The following CDH8 variants were observed in gnomAD, a reference collection of about 807,000 sequenced individuals.
CDH8 encodes cadherin 8.
In CDH8, 17 loss-of-function variants were observed where a neutral mutation model predicts 68.1. The ratio of observed to expected loss-of-function variants is 0.25; its 90% confidence interval spans 0.17 to 0.37. The LOEUF is 0.37. CDH8 is among the 10% of genes least tolerant of loss of function. The pLI is 1.00. For missense variants in CDH8, 763 were observed against 999.3 expected (o/e 0.76, Z 3.19); for synonymous variants, 372 against 365.1 (o/e 1.02, Z -0.21).
rs1242470194 is a variant in CDH8, at chr16:61,665,864, G to A, written c.1655-10143C>T. 6.4e-5 allele frequency among the ~76,000 whole-genome samples: 7 copies of A among 110,098 alleles called. No individual in the cohort carries two copies. The Admixed American group carries it at 8.0e-4, about 13-fold the overall frequency. 72.2% of individuals were successfully genotyped at this position (110,098 alleles called of 152,430 possible). The stretch of plus-strand genomic sequence containing the variant: ...TCCCTCCCTCCTTCCTTCCTTCCTT[G>A]CCTCTTTCCTTTCTTTTATTTCTTT... On this transcript the variant is annotated intron_variant, in intron 10 of 11. Coordinates refer to ENST00000577390, the MANE Select transcript of CDH8 (RefSeq NM_001796.5).
intron 2 of CDH8, among the ~76,000 whole-genome samples, chr16:62,020,013 A>G (rs1902033957): frequency 6.6e-6 from 1 of 152,206 alleles, no homozygotes; most frequent in Non-Finnish European, 1.5e-5. Flanking sequence ...GTAATGATTC[A>G]TGATATCTCC....
intron 7 of CDH8, among the ~76,000 whole-genome samples, chr16:61,811,119 C>T (rs536710405): frequency 2.6e-5 from 4 of 151,744 alleles, no homozygotes; most frequent in African/African-American, 7.3e-5. Context: ...TATAGGCTCA[C>T]AAAGACAGAT....
intron 3 of CDH8, among the ~76,000 whole-genome samples, chr16:61,860,319 A>G (rs1963126783): frequency 6.6e-6 from 1 of 152,168 alleles, no homozygotes; most frequent in African/African-American, 2.4e-5. Flanking sequence ...TTCTTTATTA[A>G]TTAACCCGTT....
At chr16:61,978,385 G>A (rs1275507083) in intron 2 of CDH8, among the ~76,000 whole-genome samples, 1 of 152,104 alleles carries the variant, frequency 6.6e-6, no homozygotes. Flanking sequence ...TGCCACCATT[G>A]CTGTTGCTGA....
chr16:61,736,098 G>GGAAAGAAAGAAA (rs1260262826), intron 8 of CDH8, among the ~76,000 whole-genome samples: 1,362 of 99,336 alleles, frequency 0.014, 55 homozygotes, highest in African/African-American at 0.049. Flanking sequence ...CAAGAAAGAA[G>GGAAAGAAAGAAA]GAAAGAAAGA....
At chr16:61,825,695 C>A (rs576599141) in intron 4 of CDH8, among the ~76,000 whole-genome samples, 18 of 151,900 alleles carry the variant, frequency 1.2e-4, no homozygotes, top group Non-Finnish European at 1.0e-4. Flanking sequence ...AAATACCAAT[C>A]AGAATTAATA....
At chr16:61,932,249 T>A (rs2143487692) in intron 2 of CDH8, among the ~76,000 whole-genome samples, 1 of 149,714 alleles carries the variant, frequency 6.7e-6, no homozygotes, top group East Asian at 2.0e-4. Flanking sequence ...GCACAGAATA[T>A]TTCCATGACC....
At chr16:61,951,162 C>T (rs1477679431) in intron 2 of CDH8, among the ~76,000 whole-genome samples, 1 of 152,058 alleles carries the variant, frequency 6.6e-6, no homozygotes, top group Non-Finnish European at 1.5e-5. Context: ...TTTTACCAGA[C>T]ATGATGCTGA....
chr16:61,795,974 GA>G (rs1961491747), intron 7 of CDH8, among the ~76,000 whole-genome samples: 1 of 151,996 alleles, frequency 6.6e-6, no homozygotes, highest in African/African-American at 2.4e-5. Flanking sequence ...ACATTTGCCT[GA>G]CCTTTGCTCT....
chr16:61,911,525 G>T (rs562365063), intron 2 of CDH8, among the ~76,000 whole-genome samples: 1 of 152,046 alleles, frequency 6.6e-6, no homozygotes, highest in Admixed American at 6.5e-5. Context: ...AGGCATAGGC[G>T]TTGGAAGTTA....
At chr16:61,888,191 G>A (rs752662463) in intron 3 of CDH8, among the ~76,000 whole-genome samples, 3 of 152,076 alleles carry the variant, frequency 2.0e-5, no homozygotes, top group Non-Finnish European at 4.4e-5. Flanking sequence ...TCAGGTTCGC[G>A]GAGTCCTAGG....
At chr16:61,739,985 G>A (rs1279496922) in intron 8 of CDH8, among the ~76,000 whole-genome samples, 2 of 146,924 alleles carry the variant, frequency 1.4e-5, no homozygotes, top group Non-Finnish European at 3.0e-5. Context: ...TCGGCTCACT[G>A]CAACCTCCAC....
chr16:61,729,825 A>G (rs1217079762), intron 8 of CDH8, among the ~76,000 whole-genome samples: 3 of 151,478 alleles, frequency 2.0e-5, no homozygotes, highest in Admixed American at 6.6e-5. Context: ...AACTGAAAGT[A>G]TAAGAAAAAG....
At chr16:61,890,599 A>G (rs899441687) in intron 3 of CDH8, among the ~76,000 whole-genome samples, 2 of 152,206 alleles carry the variant, frequency 1.3e-5, no homozygotes, top group African/African-American at 4.8e-5. Context: ...GGTAAGAGGA[A>G]GAGATTGTTA....
intron 4 of CDH8, among the ~76,000 whole-genome samples, chr16:61,831,444 T>C (rs1354951558): frequency 2.6e-5 from 4 of 151,816 alleles, no homozygotes; most frequent in Admixed American, 1.3e-4. Flanking sequence ...AATGGAGATT[T>C]TCCTGGTTCA....
At chr16:61,751,397 A>AAC (rs1555507505) in intron 8 of CDH8, among the ~76,000 whole-genome samples, 1 of 149,062 alleles carries the variant, frequency 6.7e-6, no homozygotes, top group Non-Finnish European at 1.5e-5. Context: ...AAAAAAAAAA[A>AAC]AAAAAAAAAA....
At chr16:61,917,579 T>C (rs1964263963) in intron 2 of CDH8, among the ~76,000 whole-genome samples, 1 of 152,174 alleles carries the variant, frequency 6.6e-6, no homozygotes, top group South Asian at 2.1e-4. Context: ...GATAGGCTCA[T>C]CATGAATCCT....
At chr16:61,882,009 C>T (rs1437083421) in intron 3 of CDH8, among the ~76,000 whole-genome samples, 1 of 152,144 alleles carries the variant, frequency 6.6e-6, no homozygotes, top group African/African-American at 2.4e-5. Flanking sequence ...ATCGAGTTAT[C>T]TAATAATTCA....
intron 4 of CDH8, among the ~76,000 whole-genome samples, chr16:61,841,499 A>G (rs980601349): frequency 6.6e-6 from 1 of 152,196 alleles, no homozygotes; most frequent in African/African-American, 2.4e-5. Context: ...CATGAACATA[A>G]TGGTTATCAG....
Sources: gnomAD v4.1 joint callset for allele counts (sites outside exome capture counted in the v4.1 genomes callset) on GRCh38, gnomAD v4.1.1 for gene constraint, MANE v1.5 for transcripts, NCBI Gene and HGNC (gene_info 2026-07-23, HGNC 2026-07-21) for gene names.